Variants in CSMD1 observed in about 807,000 individuals in gnomAD.
CSMD1 encodes CUB and Sushi multiple domains 1, also known as CUB and sushi domain-containing protein 1.
A neutral mutation model predicts 417.5 loss-of-function variants in CSMD1; 213 were observed. The observed-to-expected ratio is 0.51, with a 90% confidence interval of 0.46 to 0.57. The LOEUF (loss-of-function observed/expected upper bound fraction) is 0.57, where lower values mean the gene tolerates loss of function less well. Among genes scored for constraint, CSMD1 ranks in the 20% least tolerant of loss-of-function variants. The pLI is 0.00. For missense variants in CSMD1, 6,923 were observed against 4,529.7 expected, an observed-to-expected ratio of 1.53 and a Z score of -15.17; for synonymous variants, 2,862 against 1,736.8, an observed-to-expected ratio of 1.65 and a Z score of -16.11.
chr8:3,517,938 A>G (rs891578305), intron 10 of CSMD1, among the ~76,000 whole-genome samples: 15 of 152,198 alleles, frequency 9.9e-5, no homozygotes, highest in African/African-American at 3.1e-4. Context: ...AATAGCTTCA[A>G]CAAGTCAAAT....
At chr8:4,697,990 G>A (rs976299693) in intron 1 of CSMD1, among the ~76,000 whole-genome samples, 1 of 152,124 alleles carries the variant, frequency 6.6e-6, no homozygotes, top group African/African-American at 2.4e-5. Flanking sequence ...TTACCATCTA[G>A]ATCTTACATC....
At chr8:4,889,657 G>C (rs969574050) in intron 1 of CSMD1, among the ~76,000 whole-genome samples, 15 of 151,946 alleles carry the variant, frequency 9.9e-5, no homozygotes, top group Admixed American at 4.6e-4. Context: ...GCAAATATAA[G>C]GTTTTATTTA....
At chr8:4,315,660 C>T (rs1186217456) in intron 3 of CSMD1, among the ~76,000 whole-genome samples, 2 of 152,090 alleles carry the variant, frequency 1.3e-5, no homozygotes, top group African/African-American at 4.8e-5. Context: ...TCAAGGTTTA[C>T]ATCAGCATAA....
chr8:3,199,634 T>G lies in CSMD1; in HGVS notation c.5194+80A>C, dbSNP rs1796884560. 8.0e-6 allele frequency: 6 copies of G among 753,960 alleles called. No homozygotes were observed. The Admixed American group carries it at 9.6e-5, about 12-fold the overall frequency. 46.7% of individuals were successfully genotyped at this position (753,960 alleles called of 1,614,324 possible). A position where few individuals can be genotyped will look rare whatever the true frequency, so the allele number is the denominator to read the frequency against. ...AAAAATGCAGCTGAGATGTTTTGAGTGCTTTGTCTGAGACTAGCCGTGGGT... is the reference window on the plus strand; with the variant it reads ...AAAAATGCAGCTGAGATGTTTTGAGGGCTTTGTCTGAGACTAGCCGTGGGT... On this transcript the variant is annotated intron_variant, in intron 33 of 69. Transcript: ENST00000635120.
At chr8:4,043,701 C>G (rs2554560) in intron 3 of CSMD1, among the ~76,000 whole-genome samples, 139,035 of 152,244 alleles carry the variant, frequency 0.91, 63,676 homozygotes, top group East Asian at 0.99. Flanking sequence ...CTGAATTACA[C>G]ATTCAATTAC....
At chr8:4,690,049 G>A (rs1166604027) in intron 1 of CSMD1, among the ~76,000 whole-genome samples, 1 of 152,190 alleles carries the variant, frequency 6.6e-6, no homozygotes, top group East Asian at 1.9e-4. Context: ...TGGGTTTGAA[G>A]CATTGGTAAC....
Position 3,494,270 on chromosome 8 carries a change from T to C in CSMD1, c.1345-544A>G, listed in dbSNP as rs529906773. ...TTTTTTTACAAAGAATACTTTGTCATGATGAGCAGCACCAAGACATCTGTA... is the reference window on the plus strand; with the variant it reads ...TTTTTTTACAAAGAATACTTTGTCACGATGAGCAGCACCAAGACATCTGTA... On this transcript the variant is annotated intron_variant, in intron 10 of 69. Coordinates refer to ENST00000635120, the MANE Select transcript of CSMD1 (RefSeq NM_033225.6). Among the ~76,000 whole-genome samples, 9 of 152,316 alleles carry C rather than the reference T, an allele frequency of 5.9e-5. No individual in the cohort carries two copies. In the East Asian group the frequency reaches 1.7e-3, roughly 29 times the overall value.
chr8:3,732,196 TC>T (rs1394037611), intron 6 of CSMD1, among the ~76,000 whole-genome samples: 1 of 152,146 alleles, frequency 6.6e-6, no homozygotes, highest in Non-Finnish European at 1.5e-5. Context: ...ACAGAGTCTT[TC>T]CGAGAGGACT....
chr8:4,751,930 C>T (rs959852293), intron 1 of CSMD1, among the ~76,000 whole-genome samples: 5 of 151,898 alleles, frequency 3.3e-5, no homozygotes, highest in African/African-American at 9.7e-5. Context: ...CAGGAAGATC[C>T]ATGTAATCTG....
intron 3 of CSMD1, among the ~76,000 whole-genome samples, chr8:4,061,469 A>G (rs1798969874): frequency 6.6e-6 from 1 of 152,246 alleles, no homozygotes; most frequent in African/African-American, 2.4e-5. Flanking sequence ...AAGAAACCAA[A>G]GAGGTGGCAA....
chr8:4,894,780 G>A (rs1414801047), intron 1 of CSMD1, among the ~76,000 whole-genome samples: 1 of 151,744 alleles, frequency 6.6e-6, no homozygotes, highest in African/African-American at 2.4e-5. Context: ...AAAATCTTCT[G>A]ACTTTTAATT....
At chr8:4,889,476 C>T (rs1272040789) in intron 1 of CSMD1, among the ~76,000 whole-genome samples, 2 of 152,004 alleles carry the variant, frequency 1.3e-5, no homozygotes, top group African/African-American at 2.4e-5. Flanking sequence ...TTTTTATTAA[C>T]ATTATTTTCC....
intron 26 of CSMD1, among the ~76,000 whole-genome samples, chr8:3,283,408 TACTG>T (rs1338349825): frequency 1.8e-4 from 28 of 152,296 alleles, no homozygotes; most frequent in African/African-American, 6.0e-4. Flanking sequence ...TCTAGAAATT[TACTG>T]ACTAATTGAA....
At chr8:4,723,355 C>A (rs1040799881) in intron 1 of CSMD1, among the ~76,000 whole-genome samples, 1 of 151,986 alleles carries the variant, frequency 6.6e-6, no homozygotes, top group African/African-American at 2.4e-5. Context: ...TTTCAAGGAC[C>A]GAGGTTCGCT....
intron 2 of CSMD1, among the ~76,000 whole-genome samples, chr8:4,438,059 G>A (rs754153283): frequency 3.9e-5 from 6 of 152,120 alleles, no homozygotes; most frequent in Non-Finnish European, 8.8e-5. Context: ...TGAAGGAACA[G>A]CCAATATTCA....
intron 1 of CSMD1, among the ~76,000 whole-genome samples, chr8:4,710,606 G>A (rs1359979430): frequency 2.6e-5 from 4 of 151,210 alleles, no homozygotes; most frequent in African/African-American, 4.8e-5. Context: ...AGCACTTTGG[G>A]AGACTCAGAT....
intron 3 of CSMD1, among the ~76,000 whole-genome samples, chr8:4,283,965 G>C (rs756388255): frequency 3.8e-4 from 58 of 152,270 alleles, no homozygotes; most frequent in Non-Finnish European, 6.5e-4. Flanking sequence ...AGGGGTGGTG[G>C]CTCACACTTG....
chr8:4,352,023 T>C (rs1289907534), intron 3 of CSMD1, among the ~76,000 whole-genome samples: 1 of 151,562 alleles, frequency 6.6e-6, no homozygotes, highest in Non-Finnish European at 1.5e-5. Context: ...GCAATGCTGA[T>C]CGTTTAAGTT....
At chr8:4,468,080 A>G (rs1301264498) in intron 2 of CSMD1, among the ~76,000 whole-genome samples, 1 of 152,174 alleles carries the variant, frequency 6.6e-6, no homozygotes, top group African/African-American at 2.4e-5. Context: ...TCTGAAATTG[A>G]TCTGCACTGT....
Sources: allele counts gnomAD v4.1 joint callset (sites outside exome capture counted in the v4.1 genomes callset), GRCh38; gene constraint gnomAD v4.1.1; transcripts MANE v1.5; gene names NCBI Gene and HGNC (gene_info 2026-07-23, HGNC 2026-07-21).